LCLAT1: variants seen among roughly 807,000 people sequenced by gnomAD.
LCLAT1 encodes the protein lysocardiolipin acyltransferase 1, also known as 1-AGP acyltransferase 8.
LCLAT1 carries 11 observed loss-of-function variants against 30.7 expected under a neutral mutation model. That is an observed-to-expected ratio of 0.36 (90% CI 0.23 to 0.59). LCLAT1 has a LOEUF of 0.59. Ranked by LOEUF, LCLAT1 falls within the 20% of genes least tolerant of loss-of-function variation. LCLAT1 has a pLI of 0.77. For synonymous variants in LCLAT1, 155 were observed against 151.3 expected (o/e 1.02, Z -0.18); for missense variants, 402 against 458.6 (o/e 0.88, Z 1.13).
chr2:30,558,529 C>T (rs1343425721), intron 3 of LCLAT1, among the ~76,000 whole-genome samples: 4 of 138,622 alleles, frequency 2.9e-5, no homozygotes, highest in South Asian at 2.2e-4. Context: ...ACCCAGGAGA[C>T]GGAGGTTGCA....
chr2:30,585,178 T>C (rs1168343979), intron 5 of LCLAT1, among the ~76,000 whole-genome samples: 1 of 152,132 alleles, frequency 6.6e-6, no homozygotes, highest in Non-Finnish European at 1.5e-5. Flanking sequence ...TCCATGCCTC[T>C]TCCTTGTTTC....
chr2:30,612,428 G>A (rs143999012), intron 5 of LCLAT1, among the ~76,000 whole-genome samples: 380 of 152,186 alleles, frequency 2.5e-3, no homozygotes, highest in African/African-American at 7.9e-3. Context: ...TCCTTGTGGC[G>A]CCCTGTGCCT....
intron 1 of LCLAT1, among the ~76,000 whole-genome samples, chr2:30,493,237 A>G (rs1400125247): frequency 6.6e-6 from 1 of 152,246 alleles, no homozygotes; most frequent in Non-Finnish European, 1.5e-5. Flanking sequence ...AGACTTTCAT[A>G]TAGTGAAACT....
At chr2:30,549,518 T>G (rs1664586232) in intron 3 of LCLAT1, among the ~76,000 whole-genome samples, 1 of 152,210 alleles carries the variant, frequency 6.6e-6, no homozygotes, top group Admixed American at 6.5e-5. Flanking sequence ...GGGTTTTGAA[T>G]CTGCTTTGTA....
intron 5 of LCLAT1, among the ~76,000 whole-genome samples, chr2:30,624,245 G>A (rs1276358270): frequency 6.6e-6 from 1 of 152,148 alleles, no homozygotes; most frequent in African/African-American, 2.4e-5. Context: ...CTAGCACAAT[G>A]AATAGAATAG....
At chr2:30,486,356 C>T (rs1683555592) in intron 1 of LCLAT1, among the ~76,000 whole-genome samples, 1 of 152,082 alleles carries the variant, frequency 6.6e-6, no homozygotes, top group Admixed American at 6.6e-5. Flanking sequence ...AAGATATGTA[C>T]TTGTATTTAT....
chr2:30,556,610 G>T (rs1203254886), intron 3 of LCLAT1, among the ~76,000 whole-genome samples: 1 of 152,056 alleles, frequency 6.6e-6, no homozygotes. Flanking sequence ...ATGATAACAG[G>T]TTATTAGATA....
chr2:30,538,903 A>G (rs1368456079), intron 3 of LCLAT1, among the ~76,000 whole-genome samples: 1 of 152,116 alleles, frequency 6.6e-6, no homozygotes, highest in Admixed American at 6.5e-5. Context: ...ATCTCCCAGC[A>G]AAGAAAAGCT....
At chr2:30,476,510 C>T (rs1421333780) in intron 1 of LCLAT1, 3 of 456,362 alleles carry the variant, frequency 6.6e-6, no homozygotes, top group African/African-American at 6.0e-5. Context: ...TGCAGGGGAT[C>T]TAGGTTGCAT....
intron 1 of LCLAT1, among the ~76,000 whole-genome samples, chr2:30,470,112 T>TG (rs1386053753): frequency 6.6e-6 from 1 of 151,964 alleles, no homozygotes; most frequent in Non-Finnish European, 1.5e-5. Context: ...CAGTTTCGGG[T>TG]GGGGGTTACA....
At chr2:30,563,110 C>A (rs1012741797) in intron 4 of LCLAT1, among the ~76,000 whole-genome samples, 1 of 151,154 alleles carries the variant, frequency 6.6e-6, no homozygotes, top group African/African-American at 2.4e-5. Flanking sequence ...GTGGCATGAT[C>A]ATGGTTCACT....
At chr2:30,492,994 C>G (rs1683907711) in intron 1 of LCLAT1, among the ~76,000 whole-genome samples, 1 of 152,072 alleles carries the variant, frequency 6.6e-6, no homozygotes, top group Admixed American at 6.6e-5. Context: ...CCTTATTAGC[C>G]CAGACCCGTG....
chr2:30,573,227 A>C (rs977167947), intron 5 of LCLAT1, among the ~76,000 whole-genome samples: 1 of 152,078 alleles, frequency 6.6e-6, no homozygotes, highest in South Asian at 2.1e-4. Flanking sequence ...TCTACCCCTT[A>C]AGGATCTCTC....
chr2:30,568,988 C>T (rs1665649849), intron 5 of LCLAT1, among the ~76,000 whole-genome samples: 1 of 151,292 alleles, frequency 6.6e-6, no homozygotes, highest in South Asian at 2.1e-4. Flanking sequence ...ATATAACGAT[C>T]TGAAAAATAA....
chr2:30,535,534 C>T (rs1686202640), intron 3 of LCLAT1, among the ~76,000 whole-genome samples: 1 of 152,202 alleles, frequency 6.6e-6, no homozygotes, highest in Non-Finnish European at 1.5e-5. Flanking sequence ...GTGAGGCACT[C>T]AGTAGACACC....
At chr2:30,560,454 T>G (rs912732549) in intron 3 of LCLAT1, among the ~76,000 whole-genome samples, 2 of 152,136 alleles carry the variant, frequency 1.3e-5, no homozygotes. Flanking sequence ...TTCTCCCCGC[T>G]CAGCCTCCCA....
chr2:30,484,017 T>C (rs1464271943), intron 1 of LCLAT1, among the ~76,000 whole-genome samples: 1 of 152,188 alleles, frequency 6.6e-6, no homozygotes, highest in Non-Finnish European at 1.5e-5. Context: ...GTTATATTGA[T>C]ATCTAAGTGA....
intron 2 of LCLAT1, among the ~76,000 whole-genome samples, chr2:30,530,909 ATCATATAT>A (rs1685950091): frequency 6.6e-6 from 1 of 152,190 alleles, no homozygotes; most frequent in South Asian, 2.1e-4. Context: ...ATCTATAGGT[ATCATATAT>A]TAGAGATTGC....
chr2:30,523,742 T>C (rs1365206512), intron 1 of LCLAT1, among the ~76,000 whole-genome samples: 1 of 152,042 alleles, frequency 6.6e-6, no homozygotes, highest in African/African-American at 2.4e-5. Flanking sequence ...GTGGCGCGTG[T>C]CTGTAATCCT....
Sources: gnomAD v4.1 joint callset for allele counts (sites outside exome capture counted in the v4.1 genomes callset) on GRCh38, gnomAD v4.1.1 for gene constraint, MANE v1.5 for transcripts, NCBI Gene and HGNC (gene_info 2026-07-23, HGNC 2026-07-21) for gene names.